The following CAST variants were observed in gnomAD, a reference collection of about 807,000 sequenced individuals.
CAST encodes the protein calpastatin.
CAST carries 76 observed loss-of-function variants against 119.6 expected under a neutral mutation model. That is an observed-to-expected ratio of 0.64 (90% confidence interval 0.53 to 0.77). The LOEUF (loss-of-function observed/expected upper bound fraction) is 0.77. CAST is among the 30% of genes least tolerant of loss of function. The pLI is 0.00. For missense variants in CAST, 953 were observed against 946.5 expected (o/e 1.01, Z -0.09); for synonymous variants, 319 against 331.6 (o/e 0.96, Z 0.41).
chr5:96,379,592 C>A, the CAST span: 1 of 152,208 alleles, frequency 6.6e-6, no homozygotes, highest in South Asian at 2.1e-4. Flanking sequence ...ACCACAGAAC[C>A]ATTCTAGATG....
chr5:96,354,361 C>T, the CAST span, among the ~76,000 whole-genome samples: 1 of 152,158 alleles, frequency 6.6e-6, no homozygotes, highest in African/African-American at 2.4e-5. Flanking sequence ...ATAGCAGTCC[C>T]TTACCACCCT....
chr5:96,440,670 G>C, the CAST span, among the ~76,000 whole-genome samples: 1 of 152,052 alleles, frequency 6.6e-6, no homozygotes, highest in Non-Finnish European at 1.5e-5. Context: ...AATCATTTAG[G>C]GTAGGGCCAT....
At chr5:96,413,886 G>T in the CAST span, among the ~76,000 whole-genome samples, 2 of 148,378 alleles carry the variant, frequency 1.3e-5, no homozygotes, top group Non-Finnish European at 3.0e-5. Context: ...TTGGGAGGCC[G>T]AGGCGGGCGG....
chr5:96,334,822 G>C, the CAST span, among the ~76,000 whole-genome samples: 1 of 152,236 alleles, frequency 6.6e-6, no homozygotes, highest in South Asian at 2.1e-4. Flanking sequence ...GGGCTGACTT[G>C]TTCATCCACT....
At chr5:96,089,392 G>A in the CAST span, among the ~76,000 whole-genome samples, 1 of 152,026 alleles carries the variant, frequency 6.6e-6, no homozygotes, top group Admixed American at 6.6e-5. Flanking sequence ...ATGTGATCAA[G>A]GAAGAATGTA....
chr5:96,621,967 C>CTTT (rs1174696218), intron 1 of CAST, among the ~76,000 whole-genome samples: 1 of 107,840 alleles, frequency 9.3e-6, no homozygotes, highest in African/African-American at 3.7e-5. Flanking sequence ...TTCTTTTTTT[C>CTTT]TCTTTTTTTT....
At chr5:96,531,654 C>T (rs553606808) in intron 1 of CAST, among the ~76,000 whole-genome samples, 2 of 151,790 alleles carry the variant, frequency 1.3e-5, no homozygotes, top group East Asian at 1.9e-4. Context: ...AAGCCTCCTA[C>T]GTAAAAGAAA....
At chr5:96,436,662 C>T in the CAST span, among the ~76,000 whole-genome samples, 1 of 151,950 alleles carries the variant, frequency 6.6e-6, no homozygotes, top group Admixed American at 6.6e-5. Context: ...ATTCAGAATC[C>T]ATCTAAATTT....
the CAST span, among the ~76,000 whole-genome samples, chr5:96,114,572 A>T: frequency 6.6e-6 from 1 of 152,180 alleles, no homozygotes; most frequent in South Asian, 2.1e-4. Flanking sequence ...TGTATTTCTA[A>T]CAAATTTTCC....
the CAST span, among the ~76,000 whole-genome samples, chr5:96,109,796 A>C: frequency 6.6e-6 from 1 of 152,218 alleles, no homozygotes; most frequent in Non-Finnish European, 1.5e-5. Flanking sequence ...GGGCTTTAAA[A>C]ATACAAATTA....
At chr5:96,317,468 C>T in the CAST span, among the ~76,000 whole-genome samples, 1 of 97,194 alleles carries the variant, frequency 1.0e-5, no homozygotes, top group Non-Finnish European at 1.9e-5. Context: ...CAGAGTGAGA[C>T]TCCATCTCAA....
chr5:96,630,811 C>G (rs1376548481), intron 1 of CAST, among the ~76,000 whole-genome samples: 1 of 148,956 alleles, frequency 6.7e-6, no homozygotes, highest in Non-Finnish European at 1.5e-5. Context: ...AATGAAGTAT[C>G]ATACTCGAAA....
At chr5:96,460,514 T>G in the CAST span, among the ~76,000 whole-genome samples, 1 of 151,808 alleles carries the variant, frequency 6.6e-6, no homozygotes, top group African/African-American at 2.4e-5. Context: ...CTGCACATTC[T>G]GCACATGTGT....
At chr5:96,556,987 C>T (rs866885112) in intron 1 of CAST, among the ~76,000 whole-genome samples, 3 of 152,058 alleles carry the variant, frequency 2.0e-5, no homozygotes, top group African/African-American at 7.2e-5. Flanking sequence ...CAAAGGGAAG[C>T]CCATCAGAAT....
At chr5:96,070,462 C>A in the CAST span, among the ~76,000 whole-genome samples, 1 of 152,116 alleles carries the variant, frequency 6.6e-6, no homozygotes, top group African/African-American at 2.4e-5. Flanking sequence ...ATGAGAAATT[C>A]TTCAAACACA....
At chr5:96,233,704 T>C in the CAST span, among the ~76,000 whole-genome samples, 1 of 152,102 alleles carries the variant, frequency 6.6e-6, no homozygotes, top group South Asian at 2.1e-4. Flanking sequence ...ACAAAATATT[T>C]TGGTCAGTAA....
At chr5:96,032,644 C>T in the CAST span, among the ~76,000 whole-genome samples, 1 of 152,056 alleles carries the variant, frequency 6.6e-6, no homozygotes, top group African/African-American at 2.4e-5. Flanking sequence ...ACCACTTTGC[C>T]ATTCCTCCAA....
the CAST span, among the ~76,000 whole-genome samples, chr5:96,250,484 A>G: frequency 6.6e-6 from 1 of 152,176 alleles, no homozygotes; most frequent in Non-Finnish European, 1.5e-5. Flanking sequence ...AAAAGGCAAC[A>G]GGGTGCAGCC....
intron 1 of CAST, among the ~76,000 whole-genome samples, chr5:96,581,585 C>T (rs1348244600): frequency 1.3e-5 from 2 of 152,122 alleles, no homozygotes; most frequent in African/African-American, 4.8e-5. Context: ...ATGTTTACTG[C>T]AAAGCCTTAA....
Sources: gnomAD v4.1 joint callset for allele counts (sites outside exome capture counted in the v4.1 genomes callset) on GRCh38, gnomAD v4.1.1 for gene constraint, MANE v1.5 for transcripts, NCBI Gene and HGNC (gene_info 2026-07-23, HGNC 2026-07-21) for gene names.